CREBBP: variants seen among roughly 807,000 people sequenced by gnomAD.
CREBBP encodes the protein CREB binding lysine acetyltransferase, also known as CREB-binding protein.
A neutral mutation model predicts 265.0 loss-of-function variants in CREBBP; 19 were observed. The observed-to-expected ratio is 0.07, with a 90% CI of 0.05 to 0.11. The LOEUF is 0.11. Ranked by LOEUF, CREBBP falls within the 10% of genes least tolerant of loss-of-function variation. CREBBP has a pLI of 1.00. For synonymous variants in CREBBP, 1,457 were observed against 1,223.7 expected (o/e 1.19, Z -3.98); for missense variants, 2,525 against 3,219.0 (o/e 0.78, Z 5.22).
At chr16:3,732,679 G>C (rs934458206) in intron 28 of CREBBP, among the ~76,000 whole-genome samples, 2 of 152,178 alleles carry the variant, frequency 1.3e-5, no homozygotes, top group East Asian at 3.9e-4. Context: ...TGGGATTATA[G>C]GCACCCGCCA....
rs1027384838 is a variant in CREBBP, at chr16:3,880,483, TCCGCCGCCGCCGCCGCCGCTG to T, written c.-588_-568del. On this transcript the variant is annotated 5_prime_UTR_variant, in exon 1 of 31. Coordinates refer to ENST00000262367, the MANE Select transcript of CREBBP (RefSeq NM_004380.3). The stretch of plus-strand genomic sequence containing the variant: ...CCGCCGCGGCCCCCCCACCCCCCGT[TCCGCCGCCGCCGCCGCCGCTG>T]CCGCCGCCGCCGCCGCCGGGCTCCG... 6.3e-4 allele frequency: 85 copies of T among 135,334 alleles called. No homozygotes were observed. Among genetic ancestry groups the T allele is most frequent in the Non-Finnish European group, 8.8e-4 (55 of 62,598 alleles). 8.4% of individuals were successfully genotyped at this position (135,334 alleles called of 1,614,324 possible).
Position 3,727,371 on chromosome 16 carries a change from A to G in CREBBP, c.*347T>C. The G allele has an allele frequency of 3.6e-6, 1 of 280,424 alleles. No individual in the cohort carries two copies. The allele number at this position is 280,424 out of a possible 1,614,324, so 17.4% of individuals were successfully genotyped here. On this transcript the variant is annotated 3_prime_UTR_variant, in exon 31 of 31. Coordinates refer to ENST00000262367, the MANE Select transcript of CREBBP (RefSeq NM_004380.3). The stretch of plus-strand genomic sequence containing the variant: ...TTGAAAATACAAATAAAAAATATGA[A>G]TATAATGAACTTGTTTTTCCCGTTA...
chr16:3,736,910 G>A (rs1567270152), intron 26 of CREBBP, 95 bp from the exon 27 acceptor site: 3 of 1,449,810 alleles, frequency 2.1e-6, no homozygotes, highest in Non-Finnish European at 2.9e-6. Flanking sequence ...CTAAAGCCAG[G>A]ACAGAAGTAA....
intron 1 of CREBBP, among the ~76,000 whole-genome samples, chr16:3,875,655 G>A (rs950178336): frequency 6.6e-6 from 1 of 152,218 alleles, no homozygotes; most frequent in Admixed American, 6.5e-5. Context: ...TAAATGCATT[G>A]TTTACAGATA....
chr16:3,751,733 G>A lies in CREBBP; in HGVS notation c.3772C>T (p.Pro1258Ser), dbSNP rs1269891200. ...NVTLGDDPSQ[P>S]QTTISKDQFE... is the part of the protein sequence containing the mutation. ...TGACAGGACGGTACTTACGTCTGGG[G>A]CTGTGAAGGGTCGTCACCCAGGGTC... Residue 1258 changes from proline (P) to serine (S), a missense_variant, in exon 20 of 31, where the codon CCC becomes TCC. Physicochemically the swap from Pro to Ser is moderately conservative, Grantham distance 74. Around this residue, in one of 19 missense-constraint regions of CREBBP, gnomAD observed 252 missense variants for 452.5 expected, o/e 0.56. Transcript: ENST00000262367. 20 of 1,614,090 alleles carry A rather than the reference G, an allele frequency of 1.2e-5. No individual in the cohort carries two copies. Among genetic ancestry groups the A allele is most frequent in the East Asian group, 2.2e-5 (1 of 44,884 alleles).
At chr16:3,867,708 A>C (rs1412567157) in intron 1 of CREBBP, among the ~76,000 whole-genome samples, 1 of 150,976 alleles carries the variant, frequency 6.6e-6, no homozygotes, top group Non-Finnish European at 1.5e-5. Context: ...GCTTGAGCCC[A>C]GGAGCTCAAG....
chr16:3,864,830 G>A (rs1393312369), intron 1 of CREBBP, among the ~76,000 whole-genome samples: 2 of 152,204 alleles, frequency 1.3e-5, no homozygotes, highest in Admixed American at 6.5e-5. Flanking sequence ...ACTGTGGGAG[G>A]CCAAGGCAGG....
intron 1 of CREBBP, among the ~76,000 whole-genome samples, chr16:3,873,944 T>A (rs751446387): frequency 1.3e-4 from 20 of 152,128 alleles, no homozygotes; most frequent in Non-Finnish European, 2.4e-4. Flanking sequence ...GGGCCTACTA[T>A]GTGTCAGGCA....
In CREBBP at chr16:3,851,308, A is replaced by T. The variant is rs867937412; in HGVS notation, c.86-299T>A. Among the ~76,000 whole-genome samples, 827 of 124,312 alleles carry T rather than the reference A, an allele frequency of 6.7e-3. 5 individuals are homozygous for T. The highest frequency in any genetic ancestry group is 0.018 in the Middle Eastern group (5 of 272). The allele number at this position is 124,312 out of a possible 152,430, so 81.6% of individuals were successfully genotyped here. A position where few individuals can be genotyped will look rare whatever the true frequency, so the allele number is the denominator to read the frequency against. ...CGTCTCAAAAAAAAAAAAAAAATTA[A>T]AAAAAAAAAAAAAAAAAGAGTAATG... On this transcript the variant is annotated intron_variant, in intron 1 of 30. Transcript: ENST00000262367.
At chr16:3,803,334 G>A (rs138534577) in intron 3 of CREBBP, among the ~76,000 whole-genome samples, 1,506 of 118,286 alleles carry the variant, frequency 0.013, 32 homozygotes, top group African/African-American at 0.046. Flanking sequence ...CCGAAACCCT[G>A]TCTCCACTAA....
At chr16:3,817,929 T>C (rs952802133) in intron 2 of CREBBP, among the ~76,000 whole-genome samples, 1 of 152,134 alleles carries the variant, frequency 6.6e-6, no homozygotes, top group Admixed American at 6.5e-5. Flanking sequence ...GGAAGGAAAC[T>C]TCCTCCATGC....
rs2141199198 is a variant in CREBBP, at chr16:3,770,625, G to A, written c.2825C>T (p.Pro942Leu). Residue 942 changes from proline (P) to leucine (L), a missense_variant, in exon 14 of 31, where the codon CCT (proline) becomes CTT (leucine). By Grantham distance (98) the Pro-to-Leu change is moderately conservative. This residue lies in a region of CREBBP where 548 missense variants were observed against 533.0 expected (regional missense o/e 1.03). Coordinates refer to ENST00000262367, the MANE Select transcript of CREBBP (RefSeq NM_004380.3). ...TPVQPPSVAT[P>L]QSSQQQPTPV... The stretch of plus-strand genomic sequence containing the variant: ...CGTCGGCTGTTGCTGCGATGACTGA[G>A]GGGTAGCCACAGACGGGGGCTGAAC... 1.2e-6 allele frequency: 2 copies of A among 1,613,972 alleles called. No individual in the cohort carries two copies. The highest frequency in any genetic ancestry group is 1.7e-6 in the Non-Finnish European group (2 of 1,180,026).
At chr16:3,761,672 G>A (rs770786496) in intron 16 of CREBBP, 9 of 488,736 alleles carry the variant, frequency 1.8e-5, no homozygotes, top group Non-Finnish European at 2.4e-5. Flanking sequence ...TAAAAACCCC[G>A]ACGCAGCACT....
intron 13 of CREBBP, among the ~76,000 whole-genome samples, chr16:3,773,094 C>A (rs950224619): frequency 7.3e-5 from 11 of 150,952 alleles, no homozygotes; most frequent in African/African-American, 2.7e-4. Flanking sequence ...TTAAAACAGA[C>A]AAACAAACAA....
intron 11 of CREBBP, among the ~76,000 whole-genome samples, chr16:3,777,100 T>C (rs2053158675): frequency 6.6e-6 from 1 of 152,008 alleles, no homozygotes; most frequent in Non-Finnish European, 1.5e-5. Context: ...CCCAGCACTT[T>C]GGGAGGCTGA....
In CREBBP at chr16:3,767,703, A is replaced by T. The variant is rs1463887868; in HGVS notation, c.3250+17T>A. ...AAAAGCAGCATGCTTTAATAAGGTA[A>T]TGAATAAATGGCCTACTTTTTTTGC... On this transcript the variant is annotated intron_variant, in intron 16 of 30. Transcript: ENST00000262367. 7 of 1,614,160 alleles carry T rather than the reference A, an allele frequency of 4.3e-6. No homozygotes were observed. Among genetic ancestry groups the T allele is most frequent in the Non-Finnish European group, 5.1e-6 (6 of 1,180,052 alleles).
chr16:3,786,117 C>T (rs1275900866), intron 5 of CREBBP, among the ~76,000 whole-genome samples: 1 of 152,202 alleles, frequency 6.6e-6, no homozygotes, highest in African/African-American at 2.4e-5. Context: ...AATCCCAGCA[C>T]TTTGGGAGGC....
chr16:3,830,146 C>G (rs2054314190), intron 2 of CREBBP, among the ~76,000 whole-genome samples: 1 of 152,154 alleles, frequency 6.6e-6, no homozygotes. Context: ...CCTGTAATCC[C>G]AGCACTTTGG....
chr16:3,875,285 G>A (rs140291634), intron 1 of CREBBP, among the ~76,000 whole-genome samples: 31 of 152,286 alleles, frequency 2.0e-4, no homozygotes, highest in South Asian at 2.1e-4. Context: ...ACCTTTGAAT[G>A]GGGCCACCGC....
Sources: gnomAD v4.1 joint callset for allele counts (sites outside exome capture counted in the v4.1 genomes callset) on GRCh38, gnomAD v4.1.1 for gene constraint, gnomAD v4.1.1 regional missense constraint, MANE v1.5 for transcripts, NCBI Gene and HGNC (gene_info 2026-07-23, HGNC 2026-07-21) for gene names.